Variants in IFNE observed in about 807,000 individuals in gnomAD.
The protein encoded by IFNE is interferon epsilon.
For synonymous variants in IFNE, 94 were observed against 87.4 expected (o/e 1.08, Z -0.42); for missense variants, 276 against 232.4 (o/e 1.19, Z -1.22).
chr9:21,480,949 C>T lies in IFNE; in HGVS notation c.*119G>A. 1 of 799,518 alleles carries T rather than the reference C, an allele frequency of 1.3e-6. No individual in the cohort carries two copies. The highest frequency in any genetic ancestry group is 1.9e-6 in the Non-Finnish European group (1 of 514,604). The allele number at this position is 799,518 out of a possible 1,614,324, so 49.5% of individuals were successfully genotyped here. The stretch of plus-strand genomic sequence containing the variant: ...TAAAAACAATTGTGGTCAATATGCA[C>T]AATCTTAAAACACAGATAAATATAT... On this transcript the variant is annotated 3_prime_UTR_variant, in exon 1 of 1. Transcript: ENST00000448696.
In IFNE at chr9:21,480,980, C is replaced by T. The variant is rs1819023303; in HGVS notation, c.*88G>A. The T allele has an allele frequency of 1.9e-6, 2 of 1,042,278 alleles. No individual in the cohort carries two copies. Among genetic ancestry groups the T allele is most frequent in the Non-Finnish European group, 2.8e-6 (2 of 711,920 alleles). 64.6% of individuals were successfully genotyped at this position (1,042,278 alleles called of 1,614,324 possible). ...TAAAACACAGATAAATATATATATACACAAAATCAAAGCAATGTGATTGTA... is the reference window on the plus strand; with the variant it reads ...TAAAACACAGATAAATATATATATATACAAAATCAAAGCAATGTGATTGTA... On this transcript the variant is annotated 3_prime_UTR_variant, in exon 1 of 1. Transcript: ENST00000448696.
Position 21,481,753 on chromosome 9 carries a change from T to G in IFNE, c.-59A>C. On this transcript the variant is annotated 5_prime_UTR_variant, in exon 1 of 1. Coordinates refer to ENST00000448696, the MANE Select transcript of IFNE (RefSeq NM_176891.5). ...AGACTTAGGGAAATTCCAGCTCTAG[T>G]GAATGTTTGCCTTTCATGCATCTCA... is the stretch of plus-strand genomic sequence containing the variant. The G allele has an allele frequency of 6.8e-7, 1 of 1,462,160 alleles. No individual in the cohort carries two copies. The highest frequency in any genetic ancestry group is 2.3e-5 in the East Asian group (1 of 43,866). The allele number at this position is 1,462,160 out of a possible 1,614,324, so 90.6% of individuals were successfully genotyped here. A position where few individuals can be genotyped will look rare whatever the true frequency, so the allele number is the denominator to read the frequency against.
chr9:21,481,012 A>G lies in IFNE; in HGVS notation c.*56T>C, dbSNP rs1216504413. ...TCAAAGCAATGTGATTGTACTATAA[A>G]TTGTATTACCACTCTATGAAGAATC... is the stretch of plus-strand genomic sequence containing the variant. On this transcript the variant is annotated 3_prime_UTR_variant, in exon 1 of 1. Coordinates refer to ENST00000448696, the MANE Select transcript of IFNE (RefSeq NM_176891.5). 8.0e-6 allele frequency: 11 copies of G among 1,368,054 alleles called. No homozygotes were observed. The highest frequency in any genetic ancestry group is 8.0e-6 in the Non-Finnish European group (8 of 1,000,102). 84.7% of individuals were successfully genotyped at this position (1,368,054 alleles called of 1,614,324 possible).
rs1586996446 is a variant in IFNE, at chr9:21,481,837, G to C, written c.-143C>G. The stretch of plus-strand genomic sequence containing the variant: ...TCGTTTTCTAATGTCATTTCTCCAA[G>C]TTTACACATTAGATTTTCAGGTTCC... On this transcript the variant is annotated 5_prime_UTR_variant, in exon 1 of 1. Transcript: ENST00000448696. The C allele has an allele frequency of 1.4e-6, 1 of 730,494 alleles. No individual in the cohort carries two copies. Among genetic ancestry groups the C allele is most frequent in the Admixed American group, 3.1e-5 (1 of 32,424 alleles). 45.3% of individuals were successfully genotyped at this position (730,494 alleles called of 1,614,324 possible). A position where few individuals can be genotyped will look rare whatever the true frequency, so the allele number is the denominator to read the frequency against.
chr9:21,481,683 C>A lies in IFNE; in HGVS notation c.12G>T (p.Lys4Asn). 1.2e-6 allele frequency: 2 copies of A among 1,610,220 alleles called. No individual in the cohort carries two copies. Among genetic ancestry groups the A allele is most frequent in the Middle Eastern group, 1.7e-4 (1 of 5,948 alleles). Reference protein sequence around the residue: MIIKHFFGTVLVLL... With the variant: MIINHFFGTVLVLL... Reference sequence around the variant, plus strand: ...GCACCAACACAGTTCCAAAGAAGTGCTTGATAATCATGGTGAAGGTCAAAT... The same window carrying A: ...GCACCAACACAGTTCCAAAGAAGTGATTGATAATCATGGTGAAGGTCAAAT... Residue 4 changes from lysine (K) to asparagine (N), a missense_variant, in exon 1 of 1, where the codon AAG becomes AAT. Lys to Asn is a moderately conservative substitution (Grantham distance 94). Transcript: ENST00000448696.
In IFNE at chr9:21,481,089, T is replaced by C. The variant is rs1377497071; in HGVS notation, c.606A>G (p.Thr202=). The C allele has an allele frequency of 1.2e-6, 2 of 1,610,760 alleles. No homozygotes were observed. Among genetic ancestry groups the C allele is most frequent in the African/African-American group, 1.3e-5 (1 of 74,666 alleles). The part of the protein sequence containing the change: ...PLNDMKQELT[T]EFRSPR ...CCACCTACCTCGGGCTTCTAAACTC[T>C]GTAGTAAGCTCTTGCTTCATGTCGT... Residue 202 remains threonine, a synonymous_variant, in exon 1 of 1, where the codon ACA becomes ACG. Transcript: ENST00000448696.
chr9:21,481,529 G>A lies in IFNE; in HGVS notation c.166C>T (p.His56Tyr). The stretch of plus-strand genomic sequence containing the variant: ...TGAGGAAGCAGAAAGTTTTTCCTGT[G>A]TGGTAGACACTGCTGAATTGACAAG... ...QTLSIQQCLP[H>Y]RKNFLLPQKS... Residue 56 changes from histidine to tyrosine, a missense_variant, in exon 1 of 1, where the codon CAC (histidine) becomes TAC (tyrosine). Transcript: ENST00000448696. 6.2e-7 allele frequency: 1 copy of A among 1,614,070 alleles called. No individual in the cohort carries two copies. The highest frequency in any genetic ancestry group is 8.5e-7 in the Non-Finnish European group (1 of 1,179,978).
Position 21,481,072 on chromosome 9 carries a change from C to G in IFNE, c.623G>C (p.Arg208Thr), listed in dbSNP as rs1199170116. The change falls in exon 1 of 1, where the codon AGG becomes ACG. Residue 208 changes from arginine (R) to threonine (T), a missense_variant. Transcript: ENST00000448696. The stretch of plus-strand genomic sequence containing the variant: ...GAAGTCCTCTAGTCCCTCCACCTAC[C>G]TCGGGCTTCTAAACTCTGTAGTAAG... ...QELTTEFRSP[R>T] is the part of the protein sequence containing the mutation. 3.8e-6 allele frequency: 6 copies of G among 1,599,918 alleles called. No individual in the cohort carries two copies. The highest frequency in any genetic ancestry group is 5.1e-6 in the Non-Finnish European group (6 of 1,173,972).
chr9:21,481,477 T>C lies in IFNE; in HGVS notation c.218A>G (p.Gln73Arg), dbSNP rs764048745. 2 of 1,614,122 alleles carry C rather than the reference T, an allele frequency of 1.2e-6. No individual in the cohort carries two copies. Among genetic ancestry groups the C allele is most frequent in the East Asian group, 4.5e-5 (2 of 44,876 alleles). The change falls in exon 1 of 1, where the codon CAA becomes CGA. Residue 73 changes from glutamine to arginine, a missense_variant. Transcript: ENST00000448696. ...PQKSLSPQQY[Q>R]KGHTLAILHE... ...GAGAATGGCCAGAGTGTGTCCTTTT[T>C]GGTACTGCTGAGGACTCAAAGACTT... is the stretch of plus-strand genomic sequence containing the variant.
rs986913037 is a variant in IFNE, at chr9:21,481,947, G to C, written c.-253C>G. The C allele has an allele frequency of 4.7e-6, 2 of 429,588 alleles. No individual in the cohort carries two copies. The highest frequency in any genetic ancestry group is 4.1e-5 in the African/African-American group (2 of 48,722). 26.6% of individuals were successfully genotyped at this position (429,588 alleles called of 1,614,324 possible). A position where few individuals can be genotyped will look rare whatever the true frequency, so the allele number is the denominator to read the frequency against. On this transcript the variant is annotated 5_prime_UTR_variant, in exon 1 of 1. Coordinates refer to ENST00000448696, the MANE Select transcript of IFNE (RefSeq NM_176891.5). ...GAAGTACCAAAATAACTTATTCATTGTATGCTTTCCTTGAGGCAATTACAG... is the reference window on the plus strand; with the variant it reads ...GAAGTACCAAAATAACTTATTCATTCTATGCTTTCCTTGAGGCAATTACAG...
chr9:21,481,547 T>G lies in IFNE; in HGVS notation c.148A>C (p.Ile50Leu). ...TTCCTGTGTGGTAGACACTGCTGAA[T>G]TGACAAGGTTTGCAACTTATTCAAG... is the stretch of plus-strand genomic sequence containing the variant. ...KLLNKLQTLS[I>L]QQCLPHRKNF... The change falls in exon 1 of 1, where the codon ATT becomes CTT. Residue 50 changes from isoleucine to leucine, a missense_variant. Physicochemically the swap from Ile to Leu is conservative, Grantham distance 5 (BLOSUM62 2). Coordinates refer to ENST00000448696, the MANE Select transcript of IFNE (RefSeq NM_176891.5). 1 of 1,614,108 alleles carries G rather than the reference T, an allele frequency of 6.2e-7. No homozygotes were observed. Among genetic ancestry groups the G allele is most frequent in the African/African-American group, 1.3e-5 (1 of 75,046 alleles).
In IFNE at chr9:21,481,316, C is replaced by T. The variant is rs1194323681; in HGVS notation, c.379G>A (p.Glu127Lys). The T allele has an allele frequency of 6.2e-7, 1 of 1,614,070 alleles. No individual in the cohort carries two copies. Reference protein sequence around the residue: ...LEYLEALMGLEAEKLSGTLGS... With the variant: ...LEYLEALMGLKAEKLSGTLGS... ...AAAGTACCACTTAGCTTCTCTGCTT[C>T]CAGTCCCATGAGTGCTTCTAGGTAT... The change falls in exon 1 of 1, where the codon GAA becomes AAA. Residue 127 changes from glutamate (E) to lysine (K), a missense_variant. By Grantham distance (56) the Glu-to-Lys change is moderately conservative. Coordinates refer to ENST00000448696, the MANE Select transcript of IFNE (RefSeq NM_176891.5).
Position 21,481,620 on chromosome 9 carries a change from T to C in IFNE, c.75A>G (p.Lys25=), listed in dbSNP as rs199881525. 1.2e-5 allele frequency: 20 copies of C among 1,614,012 alleles called. No individual in the cohort carries two copies. Among genetic ancestry groups the C allele is most frequent in the Non-Finnish European group, 1.5e-5 (18 of 1,179,890 alleles). Residue 25 remains lysine, a synonymous_variant, in exon 1 of 1, where the codon AAA becomes AAG. Coordinates refer to ENST00000448696, the MANE Select transcript of IFNE (RefSeq NM_176891.5). ...ASTTIFSLDL[K]LIIFQQRQVN... is the part of the protein sequence containing the mutation. ...CTTGTCTTTGCTGGAAGATAATCAG[T>C]TTCAAATCTAGAGAGAAGATAGTGG...
At position 21,481,217 on chromosome 9, in the gene IFNE, A is replaced by C. The variant is rs1381251243; in HGVS notation, c.478T>G (p.Tyr160Asp). The change falls in exon 1 of 1, where the codon TAC becomes GAC. Residue 160 changes from tyrosine to aspartate, a missense_variant. By Grantham distance (160) the Tyr-to-Asp change is radical. Coordinates refer to ENST00000448696, the MANE Select transcript of IFNE (RefSeq NM_176891.5). ...ACAATGGCCCAGGCACAGGTGCTGT[A>C]GTCCTGGTTTTCCAGGTAATCATGG... ...RIHDYLENQD[Y>D]STCAWAIVQV... 6.2e-7 allele frequency: 1 copy of C among 1,614,184 alleles called. No individual in the cohort carries two copies. Among genetic ancestry groups the C allele is most frequent in the East Asian group, 2.2e-5 (1 of 44,882 alleles).
rs1178718845 is a variant in IFNE, at chr9:21,481,009, T to C, written c.*59A>G. On this transcript the variant is annotated 3_prime_UTR_variant, in exon 1 of 1. Transcript: ENST00000448696. ...AAATCAAAGCAATGTGATTGTACTA[T>C]AAATTGTATTACCACTCTATGAAGA... The C allele has an allele frequency of 9.1e-6, 12 of 1,321,760 alleles. No homozygotes were observed. The highest frequency in any genetic ancestry group is 5.9e-5 in the African/African-American group (4 of 67,782). The allele number at this position is 1,321,760 out of a possible 1,614,324, so 81.9% of individuals were successfully genotyped here.
rs759360965 is a variant in IFNE at position 21,481,645 on chromosome 9, G to A, written c.50C>T (p.Thr17Ile). The stretch of plus-strand genomic sequence containing the variant: ...TTTCAAATCTAGAGAGAAGATAGTG[G>A]TAGAGGCCAGCAGCACCAACACAGT... ...FGTVLVLLAS[T>I]TIFSLDLKLI... is the part of the protein sequence containing the mutation. The change falls in exon 1 of 1, where the codon ACC (threonine) becomes ATC (isoleucine). Residue 17 changes from threonine (T) to isoleucine (I), a missense_variant. By Grantham distance (89) the Thr-to-Ile change is moderately conservative (BLOSUM62 -1). Transcript: ENST00000448696. 86 of 1,613,844 alleles carry A rather than the reference G, an allele frequency of 5.3e-5. No homozygotes were observed. The highest frequency in any genetic ancestry group is 6.9e-5 in the Non-Finnish European group (81 of 1,179,906).
At position 21,481,078 on chromosome 9, in the gene IFNE, C is replaced by A. The variant is rs1395884465; in HGVS notation, c.617G>T (p.Ser206Ile). 4.4e-6 allele frequency: 7 copies of A among 1,606,138 alleles called. No individual in the cohort carries two copies. In the South Asian group the frequency reaches 7.8e-5, roughly 18 times the overall value. ...CTCTAGTCCCTCCACCTACCTCGGG[C>A]TTCTAAACTCTGTAGTAAGCTCTTG... is the stretch of plus-strand genomic sequence containing the variant. ...MKQELTTEFR[S>I]PR is the part of the protein sequence containing the mutation. Residue 206 changes from serine to isoleucine, a missense_variant, in exon 1 of 1, where the codon AGC (serine) becomes ATC (isoleucine). Coordinates refer to ENST00000448696, the MANE Select transcript of IFNE (RefSeq NM_176891.5).
In IFNE at chr9:21,481,644, G is replaced by A. The variant is rs1035510079; in HGVS notation, c.51C>T (p.Thr17=). Residue 17 remains threonine, a synonymous_variant, in exon 1 of 1, where the codon ACC becomes ACT. Transcript: ENST00000448696. ...FGTVLVLLAS[T]TIFSLDLKLI... is the part of the protein sequence containing the mutation. ...GTTTCAAATCTAGAGAGAAGATAGT[G>A]GTAGAGGCCAGCAGCACCAACACAG... 5 of 1,613,918 alleles carry A rather than the reference G, an allele frequency of 3.1e-6. No homozygotes were observed. In the African/African-American group the frequency reaches 5.3e-5, roughly 17 times the overall value.
Position 21,480,963 on chromosome 9 carries a change from A to G in IFNE, c.*105T>C. On this transcript the variant is annotated 3_prime_UTR_variant, in exon 1 of 1. Coordinates refer to ENST00000448696, the MANE Select transcript of IFNE (RefSeq NM_176891.5). ...GTCAATATGCACAATCTTAAAACAC[A>G]GATAAATATATATATACACAAAATC... 1.1e-6 allele frequency: 1 copy of G among 899,772 alleles called. No homozygotes were observed. Among genetic ancestry groups the G allele is most frequent in the Non-Finnish European group, 1.7e-6 (1 of 594,604 alleles). The allele number at this position is 899,772 out of a possible 1,614,324, so 55.7% of individuals were successfully genotyped here. A position where few individuals can be genotyped will look rare whatever the true frequency, so the allele number is the denominator to read the frequency against.
Sources: allele counts gnomAD v4.1 joint callset, GRCh38; gene constraint gnomAD v4.1.1; transcripts MANE v1.5; gene names NCBI Gene and HGNC (gene_info 2026-07-23, HGNC 2026-07-21).